CCDC57: variants seen among roughly 807,000 people sequenced by gnomAD.
CCDC57 encodes the protein coiled-coil domain containing 57.
In CCDC57, 118 loss-of-function variants were observed where a neutral mutation model predicts 118.9. That is an observed-to-expected ratio of 0.99 (90% confidence interval 0.86 to 1.16). The LOEUF is 1.16. Among genes scored for constraint, CCDC57 ranks in the 50% most tolerant of loss-of-function variants. The pLI is 0.00. For synonymous variants in CCDC57, 527 were observed against 532.9 expected (o/e 0.99, Z 0.15); for missense variants, 1,300 against 1,320.7 (o/e 0.98, Z 0.24).
intron 19 of CCDC57, chr17:82,113,743 G>A (rs2035478576): frequency 2.9e-6 from 2 of 697,980 alleles, no homozygotes; most frequent in Non-Finnish European, 5.3e-6. Context: ...GACCAGCCTG[G>A]GTGACATAGT....
chr17:82,125,378 A>T (rs916453175), intron 19 of CCDC57, among the ~76,000 whole-genome samples: 8 of 146,072 alleles, frequency 5.5e-5, no homozygotes, highest in African/African-American at 1.5e-4. Context: ...TCTCTACTAA[A>T]TTTTTTTTTT....
intron 7 of CCDC57, among the ~76,000 whole-genome samples, chr17:82,189,473 A>AGACCCCTTGGCAAGGCC (rs1357596181): frequency 4.6e-5 from 7 of 152,158 alleles, no homozygotes; most frequent in African/African-American, 1.7e-4. Context: ...ACTGGGTTTC[A>AGACCCCTTGGCAAGGCC]GACCCCTTGG....
intron 17 of CCDC57, among the ~76,000 whole-genome samples, chr17:82,131,613 G>A (rs139723673): frequency 2.0e-5 from 3 of 151,642 alleles, no homozygotes; most frequent in Admixed American, 6.6e-5. Context: ...TTAGCCAGGC[G>A]TGGTGGTGCA....
intron 17 of CCDC57, among the ~76,000 whole-genome samples, chr17:82,131,155 G>T (rs2038304594): frequency 6.6e-6 from 1 of 150,844 alleles, no homozygotes. Flanking sequence ...TGTAGGCCAG[G>T]TGTGTTAGCT....
intron 13 of CCDC57, among the ~76,000 whole-genome samples, chr17:82,170,137 A>G (rs747420862): frequency 1.6e-4 from 25 of 152,100 alleles, no homozygotes; most frequent in Admixed American, 7.9e-4. Flanking sequence ...ACATGACTGT[A>G]TTTGGAGACA....
At chr17:82,104,249 C>T (rs1285200512) in intron 19 of CCDC57, among the ~76,000 whole-genome samples, 1 of 152,232 alleles carries the variant, frequency 6.6e-6, no homozygotes, top group Non-Finnish European at 1.5e-5. Context: ...GACTGGGCCG[C>T]AGGGAAACCA....
At chr17:82,143,002 TA>T (rs967504461) in intron 16 of CCDC57, among the ~76,000 whole-genome samples, 104 of 152,154 alleles carry the variant, frequency 6.8e-4, no homozygotes, top group Non-Finnish European at 1.1e-3. Flanking sequence ...CCGTCTCTAC[TA>T]AAAATACAAA....
chr17:82,108,976 CAG>C (rs1198431086), intron 19 of CCDC57: 2 of 152,258 alleles, frequency 1.3e-5, no homozygotes, highest in African/African-American at 2.4e-5. Flanking sequence ...CCGATGAAGA[CAG>C]AATATGGATA....
chr17:82,177,548 T>TG (rs1353322968), intron 11 of CCDC57, among the ~76,000 whole-genome samples: 2 of 151,850 alleles, frequency 1.3e-5, no homozygotes, highest in African/African-American at 4.8e-5. Flanking sequence ...ACCGAGACCG[T>TG]GTCTCAAAAT....
In CCDC57 at chr17:82,171,694, G is replaced by A. The variant is rs759250244; in HGVS notation, c.1882+7C>T. On this transcript the variant is annotated splice_region_variant and intron_variant, in intron 13 of 19. Transcript: ENST00000665763. ...ACAGCAAGTACCCCACTGAGACGCG[G>A]ACTTACCAGTCGTCTCTGTCGAGGT... 5.6e-6 allele frequency: 9 copies of A among 1,608,504 alleles called. No homozygotes were observed. Among genetic ancestry groups the A allele is most frequent in the African/African-American group, 1.3e-5 (1 of 74,850 alleles).
intron 4 of CCDC57, among the ~76,000 whole-genome samples, chr17:82,196,298 C>T (rs967960591): frequency 1.3e-5 from 2 of 152,210 alleles, no homozygotes; most frequent in African/African-American, 2.4e-5. Context: ...GGATTTTAGA[C>T]GCTGGCTTCA....
chr17:82,128,566 G>C (rs370637886), exon 18 of CCDC57: 9 of 1,572,108 alleles, frequency 5.7e-6, no homozygotes, highest in Non-Finnish European at 7.8e-6. Flanking sequence ...CAAGTGTCTG[G>C]AAGGAGCCTC....
At chr17:82,142,739 GA>G (rs145557758) in intron 16 of CCDC57, among the ~76,000 whole-genome samples, 26,454 of 152,154 alleles carry the variant, frequency 0.17, 3,109 homozygotes, top group East Asian at 0.41. Flanking sequence ...AATTTATAAA[GA>G]ATATCAATAC....
At chr17:82,211,441 T>A (rs774637297) in intron 1 of CCDC57, among the ~76,000 whole-genome samples, 1 of 152,210 alleles carries the variant, frequency 6.6e-6, no homozygotes, top group Non-Finnish European at 1.5e-5. Flanking sequence ...CGTCTACATG[T>A]TGCTGAATGA....
At chr17:82,142,418 T>G (rs2040139183) in intron 16 of CCDC57, among the ~76,000 whole-genome samples, 1 of 152,116 alleles carries the variant, frequency 6.6e-6, no homozygotes, top group Admixed American at 6.6e-5. Context: ...GATCAAGCGA[T>G]TCTTCTGCCT....
intron 19 of CCDC57, among the ~76,000 whole-genome samples, chr17:82,105,576 C>A (rs1417075981): frequency 3.3e-5 from 5 of 152,264 alleles, no homozygotes; most frequent in Non-Finnish European, 2.9e-5. Flanking sequence ...CTGCGTCAAC[C>A]CTCACCTGCT....
chr17:82,145,145 C>T (rs533363558), intron 16 of CCDC57, among the ~76,000 whole-genome samples: 11 of 151,198 alleles, frequency 7.3e-5, no homozygotes, highest in Non-Finnish European at 1.0e-4. Context: ...CTCAGCCGCC[C>T]GAGTAGCTGG....
At position 82,172,619 on chromosome 17, in the gene CCDC57, G is replaced by A. The variant is rs376118445; in HGVS notation, c.1729+19C>T. 129 of 1,546,590 alleles carry A rather than the reference G, an allele frequency of 8.3e-5. 1 individual carries two copies. In the African/African-American group the frequency reaches 1.3e-3, roughly 16 times the overall value. On this transcript the variant is annotated intron_variant, in intron 12 of 19. Coordinates refer to ENST00000665763, the Ensembl canonical transcript of CCDC57. This position sits in a 1 kb window ranked among gnomAD's most constrained non-coding sequence, Gnocchi z 5.2. ...TCCCCCTTCCTCTCCCGCTCTGTCC[G>A]TTTCTCCCACTTACTCACCAGGAGT...
intron 18 of CCDC57, among the ~76,000 whole-genome samples, chr17:82,128,188 C>T (rs535032393): frequency 3.3e-5 from 5 of 152,282 alleles, no homozygotes; most frequent in African/African-American, 9.6e-5. Context: ...GAGGCTGTTT[C>T]GTTTCGATGG....
Sources: gnomAD v4.1 joint callset for allele counts (sites outside exome capture counted in the v4.1 genomes callset) on GRCh38, gnomAD v4.1.1 for gene constraint, Gnocchi (gnomAD v3.1) non-coding constraint, MANE v1.5 for transcripts, NCBI Gene and HGNC (gene_info 2026-07-23, HGNC 2026-07-21) for gene names.